Variants in ODAD2 observed in about 807,000 individuals in gnomAD.
The protein encoded by ODAD2 is outer dynein arm docking complex subunit 2, also known as outer dynein arm-docking complex subunit 2.
In ODAD2, 89 loss-of-function variants were observed where a neutral mutation model predicts 106.8. The ratio of observed to expected loss-of-function variants is 0.83; its 90% CI spans 0.70 to 0.99. The LOEUF (loss-of-function observed/expected upper bound fraction) is 0.99. Among genes scored for constraint, ODAD2 ranks in the 50% least tolerant of loss-of-function variants. ODAD2 has a pLI of 0.00. For synonymous variants in ODAD2, 404 were observed against 436.2 expected (o/e 0.93, Z 0.92); for missense variants, 1,168 against 1,238.5 (o/e 0.94, Z 0.85).
At chr10:27,888,258 C>T (rs948981269) in intron 17 of ODAD2, among the ~76,000 whole-genome samples, 4 of 152,016 alleles carry the variant, frequency 2.6e-5, no homozygotes, top group African/African-American at 9.7e-5. Context: ...ATAGAAGTTA[C>T]ACTAATTTAC....
At chr10:27,842,470 C>A (rs1401972446) in intron 19 of ODAD2, among the ~76,000 whole-genome samples, 3 of 152,156 alleles carry the variant, frequency 2.0e-5, no homozygotes, top group Admixed American at 6.5e-5. Flanking sequence ...ACATATTTTC[C>A]TCTGATTACA....
At chr10:27,941,803 C>T (rs1846469825) in intron 12 of ODAD2, among the ~76,000 whole-genome samples, 1 of 152,122 alleles carries the variant, frequency 6.6e-6, no homozygotes. Context: ...TGCACGTCTA[C>T]TCCATTCTTC....
chr10:27,971,315 T>G lies in ODAD2; in HGVS notation c.937-2A>C, dbSNP rs376283563. On this transcript the variant is annotated splice_acceptor_variant, in intron 7 of 19. Coordinates refer to ENST00000305242, the MANE Select transcript of ODAD2 (RefSeq NM_018076.5). LOFTEE classifies it high-confidence loss of function. The stretch of plus-strand genomic sequence containing the variant: ...CTGGTCTTCACTGAAGCTAATTCCC[T>G]TTATTTAAAAAATGAGAATAATTTT... The G allele has an allele frequency of 8.8e-6, 14 of 1,582,158 alleles. No individual in the cohort carries two copies. Among genetic ancestry groups the G allele is most frequent in the Non-Finnish European group, 1.1e-5 (13 of 1,169,954 alleles).
chr10:27,984,114 T>C (rs771681283), intron 5 of ODAD2, 70 bp downstream of exon 5: 1,140 of 1,488,370 alleles, frequency 7.7e-4, no homozygotes, highest in Non-Finnish European at 9.9e-4. Flanking sequence ...AATGTAGACA[T>C]TGAAAGCATT....
intron 17 of ODAD2, among the ~76,000 whole-genome samples, chr10:27,872,799 A>T (rs1406607517): frequency 6.6e-6 from 1 of 152,074 alleles, no homozygotes; most frequent in Non-Finnish European, 1.5e-5. Context: ...TTCATCAGGG[A>T]TATTGGTCTA....
At chr10:27,927,521 G>A (rs975022963) in intron 16 of ODAD2, among the ~76,000 whole-genome samples, 1 of 152,084 alleles carries the variant, frequency 6.6e-6, no homozygotes, top group Admixed American at 6.6e-5. Context: ...TCTTATCAAA[G>A]TTAAAATACT....
At chr10:27,855,491 A>G (rs1839592924) in intron 19 of ODAD2, among the ~76,000 whole-genome samples, 1 of 152,186 alleles carries the variant, frequency 6.6e-6, no homozygotes, top group African/African-American at 2.4e-5. Context: ...TGGGAGAAAA[A>G]CACTCAAAAC....
At chr10:27,972,007 A>C (rs759750625) in intron 7 of ODAD2, among the ~76,000 whole-genome samples, 5 of 152,200 alleles carry the variant, frequency 3.3e-5, no homozygotes, top group Non-Finnish European at 7.4e-5. Context: ...AAATGGTAAA[A>C]ATAAATATAC....
chr10:27,854,710 C>G (rs949734802), intron 19 of ODAD2, among the ~76,000 whole-genome samples: 1 of 151,996 alleles, frequency 6.6e-6, no homozygotes, highest in East Asian at 1.9e-4. Flanking sequence ...GAGCCCAGAT[C>G]GCGCCACTGA....
At chr10:27,993,061 C>T (rs1850325711) in intron 2 of ODAD2, among the ~76,000 whole-genome samples, 1 of 151,970 alleles carries the variant, frequency 6.6e-6, no homozygotes, top group Non-Finnish European at 1.5e-5. Context: ...GATTACAGAA[C>T]GTGCCACCAT....
intron 17 of ODAD2, among the ~76,000 whole-genome samples, chr10:27,863,366 A>G (rs1037431290): frequency 2.0e-5 from 3 of 152,224 alleles, no homozygotes; most frequent in African/African-American, 4.8e-5. Flanking sequence ...ACTTGCTTAC[A>G]GTATGAGAAA....
intron 17 of ODAD2, among the ~76,000 whole-genome samples, chr10:27,882,660 A>G (rs569686650): frequency 1.8e-4 from 28 of 152,244 alleles, no homozygotes; most frequent in African/African-American, 6.3e-4. Context: ...CTCTATTCCA[A>G]TCTCCCTCTC....
chr10:27,966,381 A>C (rs1414859047), intron 9 of ODAD2, among the ~76,000 whole-genome samples: 2 of 152,210 alleles, frequency 1.3e-5, no homozygotes, highest in Admixed American at 6.5e-5. Flanking sequence ...CCTTAGTCTA[A>C]CAAGCTCCTG....
intron 19 of ODAD2, among the ~76,000 whole-genome samples, chr10:27,826,933 A>G (rs1367861136): frequency 1.3e-5 from 2 of 151,362 alleles, no homozygotes; most frequent in Non-Finnish European, 2.9e-5. Flanking sequence ...TCTCCTTCTC[A>G]GCCAAACTTT....
chr10:27,820,777 C>CTTTTTTTTTTTTTTTTTTTT lies in ODAD2; in HGVS notation c.3022-8172_3022-8153dup, dbSNP rs72095120. 3.1e-4 allele frequency among the ~76,000 whole-genome samples: 33 copies of CTTTTTTTTTTTTTTTTTTTT among 105,544 alleles called. 2 individuals carry two copies. The highest frequency in any genetic ancestry group is 1.3e-3 in the African/African-American group (33 of 25,718). The allele number at this position is 105,544 out of a possible 152,430, so 69.2% of individuals were successfully genotyped here. On this transcript the variant is annotated intron_variant, in intron 19 of 19. Transcript: ENST00000305242. The stretch of plus-strand genomic sequence containing the variant: ...CAATTAAACCAATGAAGCCCAGCAA[C>CTTTTTTTTTTTTTTTTTTTT]TTTTTTTTTTTTTTTTTTTTTTTTG...
intron 17 of ODAD2, among the ~76,000 whole-genome samples, chr10:27,907,426 A>G (rs2133857105): frequency 6.6e-6 from 1 of 152,324 alleles, no homozygotes; most frequent in East Asian, 1.9e-4. Context: ...CTTCCATTGC[A>G]CCAATCAGCT....
At chr10:27,889,704 G>A (rs531622640) in intron 17 of ODAD2, among the ~76,000 whole-genome samples, 7 of 152,192 alleles carry the variant, frequency 4.6e-5, no homozygotes, top group Non-Finnish European at 8.8e-5. Context: ...TCCCAGCCCT[G>A]TGTACTCAAT....
At chr10:27,828,160 G>A (rs1837211875) in intron 19 of ODAD2, among the ~76,000 whole-genome samples, 1 of 152,186 alleles carries the variant, frequency 6.6e-6, no homozygotes, top group African/African-American at 2.4e-5. Context: ...AGGGATCATT[G>A]ATAGGGACAT....
chr10:27,813,148 T>C (rs919848987), intron 19 of ODAD2: 2 of 152,420 alleles, frequency 1.3e-5, no homozygotes, highest in African/African-American at 2.4e-5. Flanking sequence ...TATTCATCTT[T>C]CTCCTCTTCT....
Sources: allele counts gnomAD v4.1 joint callset (sites outside exome capture counted in the v4.1 genomes callset), GRCh38; gene constraint gnomAD v4.1.1; transcripts MANE v1.5; gene names NCBI Gene and HGNC (gene_info 2026-07-23, HGNC 2026-07-21).